CP: variants seen among roughly 807,000 people sequenced by gnomAD.
CP encodes caeruloplasmin.
CP carries 64 observed loss-of-function variants against 122.4 expected under a neutral mutation model. The ratio of observed to expected loss-of-function variants is 0.52; its 90% CI spans 0.43 to 0.64. The LOEUF is 0.64. CP is among the 30% of genes least tolerant of loss of function. The pLI, the probability that CP is intolerant of heterozygous loss-of-function variation, is 0.00. For missense variants in CP, 1,167 were observed against 1,284.4 expected, an observed-to-expected ratio of 0.91 and a Z score of 1.40; for synonymous variants, 440 against 436.4, an observed-to-expected ratio of 1.01 and a Z score of -0.10.
exon 6 of CP, chr3:149,162,864 A>G: frequency 6.2e-7 from 1 of 1,613,554 alleles, no homozygotes; most frequent in South Asian, 1.1e-5. Context: ...ACCATTGCGA[A>G]CATCGGAGGA....
intron 14 of CP, 31 bp downstream of exon 14, chr3:149,181,974 G>GGGGGGGGGGGGGGGCC: frequency 2.9e-6 from 4 of 1,356,688 alleles, no homozygotes; most frequent in Non-Finnish European, 4.2e-6. Context: ...CTGTTAAAAT[G>GGGGGGGGGGGGGGGCC]CACCACCCCC....
At chr3:149,210,478 C>T in intron 2 of CP, 99 bp from the exon 3 acceptor site, 4 of 1,035,736 alleles carry the variant, frequency 3.9e-6, no homozygotes, top group South Asian at 1.3e-5. Context: ...ATTTATTAAA[C>T]ATCTACTATG....
chr3:149,180,534 C>G (rs1196336901), intron 14 of CP, among the ~76,000 whole-genome samples: 2 of 152,202 alleles, frequency 1.3e-5, no homozygotes, highest in Non-Finnish European at 1.5e-5. Flanking sequence ...TTAGACCACA[C>G]CATTACATAT....
chr3:149,191,881 G>A (rs1233969608), intron 9 of CP, among the ~76,000 whole-genome samples: 1 of 151,946 alleles, frequency 6.6e-6, no homozygotes, highest in Non-Finnish European at 1.5e-5. Context: ...ATATGAAAAA[G>A]ACTATAAGAA....
At chr3:149,180,791 A>G (rs1240170836) in intron 14 of CP, among the ~76,000 whole-genome samples, 3 of 152,096 alleles carry the variant, frequency 2.0e-5, no homozygotes, top group Non-Finnish European at 4.4e-5. Context: ...ATAAGCTGCA[A>G]AATAACATTT....
intron 14 of CP, chr3:149,180,075 T>C: frequency 7.9e-6 from 2 of 251,744 alleles, no homozygotes; most frequent in South Asian, 9.9e-5. Context: ...AATCTCTGCA[T>C]GTGTGTATCT....
chr3:149,187,737 A>C (rs758317812), intron 10 of CP, among the ~76,000 whole-genome samples: 3 of 152,168 alleles, frequency 2.0e-5, no homozygotes, highest in Non-Finnish European at 4.4e-5. Context: ...TCCATCTCCA[A>C]AGTTTCGGAC....
chr3:149,162,892 A>G (rs767490439), intron 5 of CP: 1 of 1,602,752 alleles, frequency 6.2e-7, no homozygotes, highest in Non-Finnish European at 8.5e-7. Context: ...AGATAATGGA[A>G]TAATACCTTA....
chr3:149,189,319 C>T (rs1458828347), intron 9 of CP, among the ~76,000 whole-genome samples: 4 of 151,960 alleles, frequency 2.6e-5, no homozygotes, highest in African/African-American at 9.7e-5. Context: ...TTTGGGAGGC[C>T]AAGGCATGTG....
chr3:149,178,383 T>C lies in CP; in HGVS notation c.2878+32A>G, dbSNP rs547575809. 144 of 1,444,114 alleles carry C rather than the reference T, an allele frequency of 1.0e-4. 1 individual carries two copies. The South Asian group carries it at 1.4e-3, about 14-fold the overall frequency. 89.5% of individuals were successfully genotyped at this position (1,444,114 alleles called of 1,614,324 possible). A position where few individuals can be genotyped will look rare whatever the true frequency, so the allele number is the denominator to read the frequency against. ...TTTGAAAGAGAAAATGATAAAAAAG[T>C]AGAAAAATTGTTTTAGAATAATGTG... On this transcript the variant is annotated intron_variant, in intron 16 of 18. Transcript: ENST00000264613.
chr3:149,197,894 C>T (rs1047161358), intron 9 of CP, among the ~76,000 whole-genome samples: 1 of 152,172 alleles, frequency 6.6e-6, no homozygotes, highest in African/African-American at 2.4e-5. Flanking sequence ...CCTGACAGAC[C>T]ACCTAACAGG....
chr3:149,182,697 C>A (rs1725865188), intron 13 of CP, among the ~76,000 whole-genome samples: 1 of 151,972 alleles, frequency 6.6e-6, no homozygotes, highest in Admixed American at 6.6e-5. Flanking sequence ...GCAGCTTTGC[C>A]CCTGCTTTGT....
rs1197914749 is a variant in CP, at chr3:149,206,236, T to G, written c.1140A>C (p.Glu380Asp). The change falls in exon 6 of 19, where the codon GAA (glutamate) becomes GAC (aspartate). Residue 380 changes from glutamate (E) to aspartate (D), a missense_variant. Glu to Asp is a conservative substitution (Grantham distance 45, BLOSUM62 2). Around this residue, in one of 2 missense-constraint regions of CP, gnomAD observed 642 missense variants for 627.3 expected, o/e 1.02. Coordinates refer to ENST00000264613, the MANE Select transcript of CP (RefSeq NM_000096.4). ...HVRHYYIAAE[E>D]IIWNYAPSGI... Reference sequence around the variant, plus strand: ...CAGAGGGAGCATAGTTCCAGATGATTTCCTCAGCGGCAATGTAGTAGTGTC... The same window carrying G: ...CAGAGGGAGCATAGTTCCAGATGATGTCCTCAGCGGCAATGTAGTAGTGTC... 1.3e-5 allele frequency: 21 copies of G among 1,614,058 alleles called. No homozygotes were observed. Among genetic ancestry groups the G allele is most frequent in the Non-Finnish European group, 1.7e-5 (20 of 1,179,910 alleles).
chr3:149,163,792 C>T lies in CP; in HGVS notation c.*14-917G>A, dbSNP rs757486434. ...CTTTGCTCTTTGTGGAATGGATAAG[C>T]AAGCTTTTGTTGTTATATTTTGTTT... On this transcript the variant is annotated intron_variant, in intron 5 of 5. Coordinates refer to the CP transcript ENST00000479771. 4 of 1,002,294 alleles carry T rather than the reference C, an allele frequency of 4.0e-6. No homozygotes were observed. The South Asian group carries it at 5.2e-5, about 13-fold the overall frequency. 62.1% of individuals were successfully genotyped at this position (1,002,294 alleles called of 1,614,324 possible). A position where few individuals can be genotyped will look rare whatever the true frequency, so the allele number is the denominator to read the frequency against.
At chr3:149,194,283 G>A (rs963372243) in intron 9 of CP, among the ~76,000 whole-genome samples, 1 of 144,682 alleles carries the variant, frequency 6.9e-6, no homozygotes, top group African/African-American at 2.8e-5. Context: ...TTGTCCCCCA[G>A]GTTAGAGTGC....
intron 1 of CP, among the ~76,000 whole-genome samples, chr3:149,217,404 C>A (rs1382710818): frequency 1.3e-5 from 2 of 152,254 alleles, no homozygotes; most frequent in Non-Finnish European, 2.9e-5. Flanking sequence ...CAAACCAAAA[C>A]CCAATTCAAT....
chr3:149,192,849 C>T (rs945476277), intron 9 of CP, among the ~76,000 whole-genome samples: 1 of 151,846 alleles, frequency 6.6e-6, no homozygotes, highest in Admixed American at 6.6e-5. Context: ...TGACCTATGC[C>T]GTTTGTAAAA....
At position 149,207,470 on chromosome 3, in the gene CP, C is replaced by T. The variant is rs202217551; in HGVS notation, c.929G>A (p.Arg310His). The T allele has an allele frequency of 1.0e-4, 162 of 1,613,960 alleles. No homozygotes were observed. The highest frequency in any genetic ancestry group is 9.8e-4 in the Admixed American group (59 of 60,006). The change falls in exon 5 of 19, where the codon CGT (arginine) becomes CAT (histidine). Residue 310 changes from arginine to histidine, a missense_variant. Physicochemically the swap from Arg to His is conservative, Grantham distance 29. Transcript: ENST00000264613. ...HGQALTNKNYRIDTINLFPAT... is the reference protein window; with the variant it reads ...HGQALTNKNYHIDTINLFPAT... ...AGGAAAGAGGTTGATTGTGTCAATACGGTAGTTCTTGTTAGTCAGTGCTTG... is the reference window on the plus strand; with the variant it reads ...AGGAAAGAGGTTGATTGTGTCAATATGGTAGTTCTTGTTAGTCAGTGCTTG...
chr3:149,180,315 C>T (rs185208633), intron 14 of CP, among the ~76,000 whole-genome samples: 3 of 152,216 alleles, frequency 2.0e-5, no homozygotes, highest in Non-Finnish European at 4.4e-5. Context: ...TAACCACACC[C>T]TCGGCCTTGG....
Sources: gnomAD v4.1 joint callset for allele counts (sites outside exome capture counted in the v4.1 genomes callset) on GRCh38, gnomAD v4.1.1 for gene constraint, gnomAD v4.1.1 regional missense constraint, MANE v1.5 for transcripts, NCBI Gene and HGNC (gene_info 2026-07-23, HGNC 2026-07-21) for gene names.